LANCL3: variants seen among roughly 807,000 people sequenced by gnomAD.
LANCL3 encodes the protein LanC like family member 3.
LANCL3 carries 19 observed loss-of-function variants against 26.5 expected under a neutral mutation model. The ratio of observed to expected loss-of-function variants is 0.72; its 90% CI spans 0.50 to 1.05. The LOEUF is 1.05. LANCL3 is among the 50% of genes least tolerant of loss of function. LANCL3 has a pLI of 0.00. For missense variants in LANCL3, 318 were observed against 362.7 expected (o/e 0.88, Z 1.00); for synonymous variants, 160 against 166.6 (o/e 0.96, Z 0.30).
At chrX:37,612,130 C>T (rs182754769) in intron 1 of LANCL3, among the ~76,000 whole-genome samples, 43 of 110,340 alleles carry the variant, frequency 3.9e-4, no homozygotes, top group African/African-American at 1.2e-3. Context: ...TTAGTAGAGA[C>T]GGGGTTTCAC....
chrX:37,651,708 C>T (rs919325527), intron 1 of LANCL3, among the ~76,000 whole-genome samples: 7 of 110,636 alleles, frequency 6.3e-5, no homozygotes, highest in Admixed American at 1.9e-4. Flanking sequence ...CTCATTAACT[C>T]GTCATTTACA....
intron 1 of LANCL3, among the ~76,000 whole-genome samples, chrX:37,642,717 A>C (rs1344552545): frequency 8.9e-6 from 1 of 112,201 alleles, no homozygotes; most frequent in African/African-American, 3.2e-5. Flanking sequence ...GGTACTTGGC[A>C]AGGGACAATG....
chrX:37,600,215 A>G (rs1332485627), intron 1 of LANCL3, among the ~76,000 whole-genome samples: 1 of 112,006 alleles, frequency 8.9e-6, no homozygotes, highest in African/African-American at 3.2e-5. Flanking sequence ...TTATTACAGT[A>G]TATTATTTTA....
At chrX:37,614,825 T>C (rs533631795) in intron 1 of LANCL3, among the ~76,000 whole-genome samples, 4 of 112,276 alleles carry the variant, frequency 3.6e-5, no homozygotes, top group African/African-American at 9.7e-5. Flanking sequence ...TAATAATCTT[T>C]TTCCTGACAA....
In LANCL3 at chrX:37,681,846, CT is replaced by C; in HGVS notation, c.*6037del. ...GAATCACCCGAGAGCCACAATATCT[CT>C]TTTGTTCTAGAACAACCACCTCCTA... On this transcript the variant is annotated 3_prime_UTR_variant, in exon 5 of 5. Transcript: ENST00000378619. 9.0e-6 allele frequency: 1 copy of C among 111,543 alleles called. No homozygotes were observed. Among genetic ancestry groups the C allele is most frequent in the Middle Eastern group, 4.6e-3 (1 of 219 alleles). The allele number at this position is 111,543 out of a possible 1,213,427, so 9.2% of individuals were successfully genotyped here.
chrX:37,572,530 C>T (rs1347873892), intron 1 of LANCL3, 87 bp downstream of exon 1: 3 of 793,519 alleles, frequency 3.8e-6, no homozygotes, highest in Non-Finnish European at 5.5e-6. Context: ...AGCACTGTCC[C>T]GAGTTGCTCT....
At chrX:37,662,873 A>G (rs1426059735) in intron 3 of LANCL3, among the ~76,000 whole-genome samples, 3 of 106,154 alleles carry the variant, frequency 2.8e-5, no homozygotes, top group Non-Finnish European at 5.8e-5. Flanking sequence ...CTGGGTTAGG[A>G]GCCAACAGGT....
chrX:37,580,151 G>C (rs1556416850), intron 1 of LANCL3, among the ~76,000 whole-genome samples: 1 of 111,688 alleles, frequency 9.0e-6, no homozygotes, highest in East Asian at 2.8e-4. Context: ...ATGGCAGCAG[G>C]GTTGGGCAAG....
intron 2 of LANCL3, among the ~76,000 whole-genome samples, chrX:37,656,736 G>A (rs1362647903): frequency 8.9e-6 from 1 of 112,225 alleles, no homozygotes; most frequent in African/African-American, 3.2e-5. Context: ...TACACCTTCA[G>A]GATGGGAACT....
At chrX:37,642,759 G>C (rs782799398) in intron 1 of LANCL3, among the ~76,000 whole-genome samples, 1 of 111,842 alleles carries the variant, frequency 8.9e-6, no homozygotes, top group Non-Finnish European at 1.9e-5. Flanking sequence ...GCTAATTACT[G>C]TCACTTAGGG....
intron 4 of LANCL3, among the ~76,000 whole-genome samples, chrX:37,668,989 A>G (rs186915080): frequency 2.7e-5 from 3 of 112,185 alleles, no homozygotes; most frequent in Admixed American, 1.9e-4. Context: ...TAATGTATGA[A>G]AAATCATTTA....
chrX:37,595,620 A>G (rs1268756407), intron 1 of LANCL3, among the ~76,000 whole-genome samples: 29 of 112,209 alleles, frequency 2.6e-4, no homozygotes, highest in Admixed American at 2.5e-3. Context: ...GACAAGTAGA[A>G]CTCTCTGATT....
At position 37,680,661 on chromosome X, in the gene LANCL3, C is replaced by CT. The variant is rs1411370560; in HGVS notation, c.*4855dup. On this transcript the variant is annotated 3_prime_UTR_variant, in exon 5 of 5. Coordinates refer to ENST00000378619, the MANE Select transcript of LANCL3 (RefSeq NM_001170331.2). The stretch of plus-strand genomic sequence containing the variant: ...ATTAAAAGAACAGACTATCCTCTCT[C>CT]TTTTTTTGTCTTTCTTCTCCCTGTC... 8.9e-6 allele frequency: 1 copy of CT among 111,765 alleles called. No individual in the cohort carries two copies. Among genetic ancestry groups the CT allele is most frequent in the African/African-American group, 3.3e-5 (1 of 30,718 alleles). 9.2% of individuals were successfully genotyped at this position (111,765 alleles called of 1,213,427 possible).
intron 1 of LANCL3, among the ~76,000 whole-genome samples, chrX:37,648,616 C>G (rs1164082606): frequency 8.9e-6 from 1 of 112,027 alleles, no homozygotes; most frequent in African/African-American, 3.2e-5. Context: ...CAAATGGGAT[C>G]TAATTAAACT....
chrX:37,640,153 A>G (rs1048035139), intron 1 of LANCL3, among the ~76,000 whole-genome samples: 1 of 112,355 alleles, frequency 8.9e-6, no homozygotes, highest in African/African-American at 3.2e-5. Context: ...CCCCACTAGT[A>G]TGTTATATTA....
intron 4 of LANCL3, among the ~76,000 whole-genome samples, chrX:37,671,689 C>G (rs1556436175): frequency 1.8e-5 from 2 of 111,769 alleles, no homozygotes; most frequent in African/African-American, 6.5e-5. Context: ...CTACGTATAT[C>G]TCCTAGCTCC....
At chrX:37,650,277 T>A (rs1346459943) in intron 1 of LANCL3, among the ~76,000 whole-genome samples, 2 of 94,449 alleles carry the variant, frequency 2.1e-5, no homozygotes, top group Non-Finnish European at 4.2e-5. Context: ...CACTCCAGCC[T>A]GGGTGACTGA....
chrX:37,661,872 CCCACCT>C (rs1460804358), intron 3 of LANCL3, among the ~76,000 whole-genome samples: 2 of 112,212 alleles, frequency 1.8e-5, no homozygotes, highest in Admixed American at 1.9e-4. Flanking sequence ...GCTCCTTCAA[CCCACCT>C]CCACAGGTGA....
At chrX:37,596,172 T>C (rs1924424820) in intron 1 of LANCL3, among the ~76,000 whole-genome samples, 1 of 112,072 alleles carries the variant, frequency 8.9e-6, no homozygotes, top group Non-Finnish European at 1.9e-5. Flanking sequence ...TATGACTTAA[T>C]ATAATATTTC....
Sources: gnomAD v4.1 joint callset for allele counts (sites outside exome capture counted in the v4.1 genomes callset) on GRCh38, gnomAD v4.1.1 for gene constraint, MANE v1.5 for transcripts, NCBI Gene and HGNC (gene_info 2026-07-23, HGNC 2026-07-21) for gene names.